IGF2: variants seen among roughly 807,000 people sequenced by gnomAD.
IGF2 encodes the protein insulin-like growth factor 2.
IGF2 carries 2 observed loss-of-function variants against 12.0 expected under a neutral mutation model. The ratio of observed to expected loss-of-function variants is 0.17; its 90% CI spans 0.07 to 0.52. The LOEUF is 0.52. Among genes scored for constraint, IGF2 ranks in the 20% least tolerant of loss-of-function variants. IGF2 has a pLI of 0.95. For missense variants in IGF2, 211 were observed against 268.0 expected, an observed-to-expected ratio of 0.79 and a Z score of 1.48; for synonymous variants, 105 against 110.1, an observed-to-expected ratio of 0.95 and a Z score of 0.29.
chr11:2,148,939 C>T, the IGF2 span: 4 of 611,900 alleles, frequency 6.5e-6, no homozygotes, highest in African/African-American at 1.8e-5. This position sits in a 1 kb window ranked among gnomAD's most constrained non-coding sequence, Gnocchi z 4.3. Flanking sequence ...ATGGCCTTTC[C>T]TGCACACCCC....
upstream of IGF2, among the ~76,000 whole-genome samples, chr11:2,139,669 A>T: frequency 6.6e-6 from 1 of 150,924 alleles, no homozygotes; most frequent in Non-Finnish European, 1.5e-5. Context: ...GCCATGCTGA[A>T]TGCCCGTTCT....
At chr11:2,142,990 G>T (rs974753862), upstream of IGF2, among the ~76,000 whole-genome samples, 19 of 152,112 alleles carry the variant, frequency 1.2e-4, no homozygotes, top group African/African-American at 4.3e-4. This position sits in a 1 kb window ranked among gnomAD's most constrained non-coding sequence, Gnocchi z 5.7. Context: ...TGGCCAGGCA[G>T]CATATAGAGC....
At chr11:2,143,632 G>C (rs1449068137), upstream of IGF2, among the ~76,000 whole-genome samples, 1 of 152,138 alleles carries the variant, frequency 6.6e-6, no homozygotes, top group African/African-American at 2.4e-5. Flanking sequence ...TCCAGAGCCT[G>C]GGAGAAAGCA....
rs1481037829 is a variant in IGF2 at position 2,138,740 on chromosome 11, A to T, written c.-518T>A. On this transcript the variant is annotated 5_prime_UTR_variant, in exon 1 of 4. Coordinates refer to ENST00000416167, the MANE Select transcript of IGF2 (RefSeq NM_000612.6). The stretch of plus-strand genomic sequence containing the variant: ...AGTCGGAGGCTAGGAGCTGGGGGGG[A>T]CGGGAGGGAGCGAAGGGAAGGTTGC... The T allele has an allele frequency of 5.6e-5, 9 of 159,312 alleles. No individual in the cohort carries two copies. Among genetic ancestry groups the T allele is most frequent in the Non-Finnish European group, 7.4e-5 (9 of 121,020 alleles). 9.9% of individuals were successfully genotyped at this position (159,312 alleles called of 1,614,324 possible). A position where few individuals can be genotyped will look rare whatever the true frequency, so the allele number is the denominator to read the frequency against.
Position 2,138,978 on chromosome 11 carries a change from G to A in IGF2, c.-756C>T, listed in dbSNP as rs1277451818. 10 of 981,478 alleles carry A rather than the reference G, an allele frequency of 1.0e-5. No individual in the cohort carries two copies. The East Asian group carries it at 7.0e-4, about 69-fold the overall frequency. The allele number at this position is 981,478 out of a possible 1,614,324, so 60.8% of individuals were successfully genotyped here. ...GGCCTCGGGAGGGGGACAGGCGGTG[G>A]CGGCACCGGGGCCGCTCCGGGACGC... On this transcript the variant is annotated 5_prime_UTR_variant, in exon 1 of 4. Coordinates refer to ENST00000416167, the MANE Select transcript of IGF2 (RefSeq NM_000612.6).
upstream of IGF2, among the ~76,000 whole-genome samples, chr11:2,146,046 G>C (rs1272768511): frequency 6.6e-6 from 1 of 152,046 alleles, no homozygotes; most frequent in Non-Finnish European, 1.5e-5. Flanking sequence ...CCCCAGCCCT[G>C]AACCAGCACC....
chr11:2,135,228 C>A, intron 2 of IGF2, 139 bp downstream of exon 2: 3 of 737,202 alleles, frequency 4.1e-6, no homozygotes, highest in Non-Finnish European at 6.4e-6. Context: ...CTCAGAAACG[C>A]GGCGGGAAGG....
At chr11:2,134,003 G>A (rs1370210005) in intron 2 of IGF2, 2 of 446,076 alleles carry the variant, frequency 4.5e-6, no homozygotes, top group East Asian at 5.2e-5. Flanking sequence ...TGTGTGGGAT[G>A]TGAGCCCAGT....
intron 1 of IGF2, 88 bp downstream of exon 1, chr11:2,138,140 CG>C (rs1238823960): frequency 1.2e-6 from 1 of 842,444 alleles, no homozygotes; most frequent in African/African-American, 1.8e-5. Context: ...GGCCCCGGGC[CG>C]GGAGCGGGCG....
upstream of IGF2, among the ~76,000 whole-genome samples, chr11:2,143,712 C>T (rs1859739497): frequency 6.6e-6 from 1 of 152,192 alleles, no homozygotes; most frequent in Admixed American, 6.5e-5. Flanking sequence ...TTTGACGTCC[C>T]CGGAAATTAA....
At position 2,133,390 on chromosome 11, in the gene IGF2, C is replaced by G; in HGVS notation, c.306+127G>C. On this transcript the variant is annotated intron_variant, in intron 3 of 3. Transcript: ENST00000416167. This position sits in a 1 kb window ranked among gnomAD's most constrained non-coding sequence, Gnocchi z 8.9. The stretch of plus-strand genomic sequence containing the variant: ...GCGTCTGAGCTGCTCCCGGGCCACA[C>G]AGCAAGCAAGGAAGTCACGGGTCCT... 1 of 1,171,424 alleles carries G rather than the reference C, an allele frequency of 8.5e-7. No homozygotes were observed. Among genetic ancestry groups the G allele is most frequent in the African/African-American group, 1.6e-5 (1 of 64,408 alleles). The allele number at this position is 1,171,424 out of a possible 1,614,324, so 72.6% of individuals were successfully genotyped here.
chr11:2,135,320 C>A, intron 2 of IGF2, 47 bp downstream of exon 2: 1 of 1,526,006 alleles, frequency 6.6e-7, no homozygotes. Context: ...TCACCGGTCA[C>A]TCTAGGGGCC....
At chr11:2,144,677 C>T (rs1859807128), upstream of IGF2, among the ~76,000 whole-genome samples, 2 of 152,100 alleles carry the variant, frequency 1.3e-5, no homozygotes, top group South Asian at 4.1e-4. Context: ...CGCATGCAGG[C>T]GCCCAACGGC....
rs1462456672 is a variant in IGF2, at chr11:2,138,601, C to G, written c.-379G>C. On this transcript the variant is annotated 5_prime_UTR_variant, in exon 1 of 4. Transcript: ENST00000416167. Reference sequence around the variant, plus strand: ...AGAGGGCGAGGGGGAGAGAGGACAGCGAGAGGCGGGCAGGCGCACAGCGGG... The same window carrying G: ...AGAGGGCGAGGGGGAGAGAGGACAGGGAGAGGCGGGCAGGCGCACAGCGGG... The G allele has an allele frequency of 2.1e-6, 2 of 970,952 alleles. No homozygotes were observed. Among genetic ancestry groups the G allele is most frequent in the East Asian group, 1.2e-4 (1 of 8,530 alleles). 60.1% of individuals were successfully genotyped at this position (970,952 alleles called of 1,614,324 possible).
rs1858412729 is a variant in IGF2 at position 2,129,843 on chromosome 11, TC to T, written c.*3143del. 1 of 232,136 alleles carries T rather than the reference TC, an allele frequency of 4.3e-6. No homozygotes were observed. Among genetic ancestry groups the T allele is most frequent in the African/African-American group, 2.2e-5 (1 of 45,230 alleles). The allele number at this position is 232,136 out of a possible 1,614,324, so 14.4% of individuals were successfully genotyped here. A position where few individuals can be genotyped will look rare whatever the true frequency, so the allele number is the denominator to read the frequency against. ...CGAGGTAAACCTCCCAGAGGCCGAG[TC>T]CCTGCCGCAGCCCTAGGCGCCGCGG... On this transcript the variant is annotated 3_prime_UTR_variant, in exon 4 of 4. Coordinates refer to ENST00000416167, the MANE Select transcript of IGF2 (RefSeq NM_000612.6). The surrounding 1 kb of genome is among the most constrained non-coding windows in gnomAD (Gnocchi z 8.1).
In IGF2 at chr11:2,131,438, G is replaced by C; in HGVS notation, c.*1549C>G. 4.4e-6 allele frequency: 1 copy of C among 228,528 alleles called. No homozygotes were observed. The highest frequency in any genetic ancestry group is 8.6e-6 in the Non-Finnish European group (1 of 116,510). 14.2% of individuals were successfully genotyped at this position (228,528 alleles called of 1,614,324 possible). ...TTTGTGGGGGTGTGCGTGTGTGTGC[G>C]CATGTGTGTGTGCAGGTGGGTGCTT... On this transcript the variant is annotated 3_prime_UTR_variant, in exon 4 of 4. Coordinates refer to ENST00000416167, the MANE Select transcript of IGF2 (RefSeq NM_000612.6).
At chr11:2,146,695 G>A in the IGF2 span, 1 of 284,136 alleles carries the variant, frequency 3.5e-6, no homozygotes, top group Non-Finnish European at 7.0e-6. Context: ...TTCTATCTGG[G>A]ATGGGCAAAT....
At chr11:2,146,313 T>G in the IGF2 span, 240,743 of 535,818 alleles carry the variant, frequency 0.45, 58,442 homozygotes, top group Admixed American at 0.6. Context: ...CCCAGCTCCT[T>G]TCTCCAAGGG....
upstream of IGF2, chr11:2,140,428 T>A: frequency 2.5e-6 from 2 of 814,146 alleles, no homozygotes; most frequent in Non-Finnish European, 3.8e-6. Flanking sequence ...GCCGGCGGAA[T>A]CTCGCGCCCC....
Sources: gnomAD v4.1 joint callset for allele counts (sites outside exome capture counted in the v4.1 genomes callset) on GRCh38, gnomAD v4.1.1 for gene constraint, Gnocchi (gnomAD v3.1) non-coding constraint, MANE v1.5 for transcripts, NCBI Gene and HGNC (gene_info 2026-07-23, HGNC 2026-07-21) for gene names.